Variants in HAPLN1 observed in about 807,000 individuals in gnomAD.
HAPLN1 encodes hyaluronan and proteoglycan link protein 1, also known as Cartilage link protein.
In HAPLN1, 13 loss-of-function variants were observed where a neutral mutation model predicts 36.5. The ratio of observed to expected loss-of-function variants is 0.36; its 90% CI spans 0.23 to 0.57. The LOEUF (loss-of-function observed/expected upper bound fraction) is 0.57, where lower values mean the gene tolerates loss of function less well. HAPLN1 is among the 20% of genes least tolerant of loss of function. The pLI is 0.83. For synonymous variants in HAPLN1, 202 were observed against 169.8 expected (o/e 1.19, Z -1.48); for missense variants, 407 against 439.7 (o/e 0.93, Z 0.66).
At chr5:83,652,375 C>T in intron 3 of HAPLN1, 78 bp downstream of exon 3, 1 of 1,429,300 alleles carries the variant, frequency 7.0e-7, no homozygotes, top group Non-Finnish European at 9.5e-7. Context: ...GTGTTAACCA[C>T]TAGACATTAC....
chr5:83,688,347 T>C (rs540314307), intron 1 of HAPLN1, among the ~76,000 whole-genome samples: 82 of 152,242 alleles, frequency 5.4e-4, no homozygotes, highest in Non-Finnish European at 1.0e-3. Context: ...GCTCCACATA[T>C]CCCGATGTAG....
chr5:83,659,238 C>A, intron 2 of HAPLN1, among the ~76,000 whole-genome samples: 1 of 151,718 alleles, frequency 6.6e-6, no homozygotes, highest in East Asian at 1.9e-4. Flanking sequence ...TGCACCACTG[C>A]ACTCCAGCCT....
chr5:83,684,297 G>C (rs1751072628), intron 1 of HAPLN1, among the ~76,000 whole-genome samples: 1 of 152,070 alleles, frequency 6.6e-6, no homozygotes, highest in African/African-American at 2.4e-5. Flanking sequence ...CTTACACCAG[G>C]CAAGTAGAAA....
rs558699845 is a variant in HAPLN1 at position 83,676,815 on chromosome 5, CT to C, written c.-26-3267del. Among the ~76,000 whole-genome samples the C allele has an allele frequency of 2.6e-4, 40 of 152,302 alleles. No individual in the cohort carries two copies. The South Asian group carries it at 3.9e-3, about 15-fold the overall frequency. ...CCTGCAATTCACACATTGAAGGTCT[CT>C]TTTCACAGCCTTACAAATCTTAATG... On this transcript the variant is annotated intron_variant, in intron 1 of 4. Transcript: ENST00000274341.
At chr5:83,669,647 T>C (rs1750648822) in intron 2 of HAPLN1, among the ~76,000 whole-genome samples, 3 of 152,244 alleles carry the variant, frequency 2.0e-5, no homozygotes, top group Admixed American at 2.0e-4. Flanking sequence ...AAATGTACTT[T>C]GAAAAGCATG....
rs753012193 is a variant in HAPLN1 at position 83,641,590 on chromosome 5, C to T, written c.971G>A (p.Arg324His). 5.6e-6 allele frequency: 9 copies of T among 1,614,024 alleles called. No individual in the cohort carries two copies. Among genetic ancestry groups the T allele is most frequent in the Admixed American group, 5.0e-5 (3 of 60,000 alleles). ...VRYPISRPRRRCSPTEAAVRF... is the reference protein window; with the variant it reads ...VRYPISRPRRHCSPTEAAVRF... ...CACTGCAGCCTCAGTAGGACTGCAG[C>T]GCCTTCTTGGCCTAGAGATGGGGTA... Residue 324 changes from arginine (R) to histidine (H), a missense_variant, in exon 5 of 5, where the codon CGC (arginine) becomes CAC (histidine). By Grantham distance (29) the Arg-to-His change is conservative. Coordinates refer to ENST00000274341, the MANE Select transcript of HAPLN1 (RefSeq NM_001884.4).
intron 2 of HAPLN1, among the ~76,000 whole-genome samples, chr5:83,657,909 G>A (rs1750267510): frequency 6.6e-6 from 1 of 151,058 alleles, no homozygotes; most frequent in Admixed American, 6.6e-5. Flanking sequence ...ATTTAATTTT[G>A]TCCATTGTGG....
At chr5:83,694,713 A>G (rs754423464) in intron 1 of HAPLN1, among the ~76,000 whole-genome samples, 1 of 152,140 alleles carries the variant, frequency 6.6e-6, no homozygotes, top group Non-Finnish European at 1.5e-5. Context: ...TGAATGCCCT[A>G]TATCTATTTT....
chr5:83,703,133 T>TA (rs1751549803), intron 1 of HAPLN1, among the ~76,000 whole-genome samples: 1 of 152,204 alleles, frequency 6.6e-6, no homozygotes, highest in African/African-American at 2.4e-5. Context: ...ACATTATTGC[T>TA]AAAATATTTT....
chr5:83,699,733 T>A (rs1751464907), intron 1 of HAPLN1, among the ~76,000 whole-genome samples: 1 of 152,200 alleles, frequency 6.6e-6, no homozygotes, highest in East Asian at 1.9e-4. Flanking sequence ...AACAAATAAA[T>A]ACCTGATTTC....
intron 3 of HAPLN1, among the ~76,000 whole-genome samples, chr5:83,645,259 A>G (rs981360434): frequency 2.0e-5 from 3 of 152,300 alleles, no homozygotes; most frequent in Admixed American, 1.3e-4. Context: ...AAATGTAGAT[A>G]TATAACTTTT....
Position 83,676,232 on chromosome 5 carries a change from A to G in HAPLN1, c.-26-2683T>C, listed in dbSNP as rs910435640. On this transcript the variant is annotated intron_variant, in intron 1 of 4. Transcript: ENST00000274341. Reference sequence around the variant, plus strand: ...CACACATACACAGAGATACGCACACATACACAGAGATACGCACACACAGAA... The same window carrying G: ...CACACATACACAGAGATACGCACACGTACACAGAGATACGCACACACAGAA... Among the ~76,000 whole-genome samples the G allele has an allele frequency of 3.2e-5, 4 of 126,978 alleles. No individual in the cohort carries two copies. The East Asian group carries it at 8.6e-4, about 27-fold the overall frequency. 83.3% of individuals were successfully genotyped at this position (126,978 alleles called of 152,430 possible). A position where few individuals can be genotyped will look rare whatever the true frequency, so the allele number is the denominator to read the frequency against.
intron 4 of HAPLN1, among the ~76,000 whole-genome samples, chr5:83,642,017 T>C (rs2112549311): frequency 6.6e-6 from 1 of 152,274 alleles, no homozygotes; most frequent in Non-Finnish European, 1.5e-5. Flanking sequence ...TTTTATAGCT[T>C]TAAAAAGAAA....
chr5:83,673,722 A>C (rs898465952), intron 1 of HAPLN1, 173 bp from the exon 2 acceptor site: 25 of 531,628 alleles, frequency 4.7e-5, no homozygotes, highest in Non-Finnish European at 7.9e-5. Flanking sequence ...GGCAGCTTTG[A>C]ACAATTCCTG....
intron 1 of HAPLN1, among the ~76,000 whole-genome samples, chr5:83,707,630 C>G (rs2112635463): frequency 6.6e-6 from 1 of 152,096 alleles, no homozygotes; most frequent in Middle Eastern, 3.4e-3. Context: ...CTGTAAAAAC[C>G]CTGGAAGATA....
At chr5:83,643,300 A>G (rs1749758899) in intron 4 of HAPLN1, among the ~76,000 whole-genome samples, 1 of 149,610 alleles carries the variant, frequency 6.7e-6, no homozygotes, top group African/African-American at 2.5e-5. Flanking sequence ...CAGTGAGCCC[A>G]GGTCATGCTA....
At chr5:83,686,176 A>T (rs1251857747) in intron 1 of HAPLN1, among the ~76,000 whole-genome samples, 1 of 150,578 alleles carries the variant, frequency 6.6e-6, no homozygotes, top group South Asian at 2.1e-4. Flanking sequence ...AAATGTCAAG[A>T]CTTGAGGTCA....
chr5:83,702,536 G>T (rs929965242), intron 1 of HAPLN1, among the ~76,000 whole-genome samples: 2 of 152,140 alleles, frequency 1.3e-5, no homozygotes, highest in South Asian at 4.1e-4. Context: ...CTCTAGGCTT[G>T]AAGGGTTTGG....
intron 1 of HAPLN1, among the ~76,000 whole-genome samples, chr5:83,704,993 C>A (rs929009117): frequency 2.6e-5 from 4 of 152,098 alleles, no homozygotes; most frequent in African/African-American, 9.7e-5. Context: ...TAAAACTCAG[C>A]CAATAATTAG....
Sources: gnomAD v4.1 joint callset for allele counts (sites outside exome capture counted in the v4.1 genomes callset) on GRCh38, gnomAD v4.1.1 for gene constraint, MANE v1.5 for transcripts, NCBI Gene and HGNC (gene_info 2026-07-23, HGNC 2026-07-21) for gene names.